VAT1L: variants seen among roughly 807,000 people sequenced by gnomAD.
The protein encoded by VAT1L is vesicle amine transport 1 like, also known as putative NADPH-dependent quinone oxidoreductase VAT1L.
A neutral mutation model predicts 44.1 loss-of-function variants in VAT1L; 34 were observed. The ratio of observed to expected loss-of-function variants is 0.77; its 90% confidence interval spans 0.59 to 1.03. The LOEUF (loss-of-function observed/expected upper bound fraction) is 1.03. VAT1L is among the 50% of genes least tolerant of loss of function. The probability of loss-of-function intolerance (pLI) is 0.00; values close to 1 mark genes in which losing one functional copy is unlikely to be tolerated. For missense variants in VAT1L, 615 were observed against 538.8 expected, an observed-to-expected ratio of 1.14 and a Z score of -1.40; for synonymous variants, 253 against 202.2, an observed-to-expected ratio of 1.25 and a Z score of -2.13.
At chr16:77,838,464 A>C (rs2145257164) in intron 3 of VAT1L, among the ~76,000 whole-genome samples, 1 of 152,174 alleles carries the variant, frequency 6.6e-6, no homozygotes, top group Non-Finnish European at 1.5e-5. Context: ...TTTGCAGCTC[A>C]TGTCATGGCA....
At chr16:77,909,951 A>G (rs543586016) in intron 7 of VAT1L, among the ~76,000 whole-genome samples, 25 of 152,342 alleles carry the variant, frequency 1.6e-4, no homozygotes, top group African/African-American at 6.0e-4. Context: ...GGCCTATAGA[A>G]GAATTCAGTT....
rs570076238 is a variant in VAT1L, at chr16:77,934,472, A to C, written c.1078-37378A>C. Among the ~76,000 whole-genome samples the C allele has an allele frequency of 3.9e-5, 6 of 152,268 alleles. No homozygotes were observed. In the South Asian group the frequency reaches 1.0e-3, roughly 26 times the overall value. On this transcript the variant is annotated intron_variant, in intron 7 of 8. Transcript: ENST00000302536. Reference sequence around the variant, plus strand: ...TCCAAAAAACAAACAAACAAAAAAAAATGGATTCTTCCCTAGAGCCTCCAG... The same window carrying C: ...TCCAAAAAACAAACAAACAAAAAAACATGGATTCTTCCCTAGAGCCTCCAG...
intron 7 of VAT1L, among the ~76,000 whole-genome samples, chr16:77,929,876 C>T (rs2017709882): frequency 6.6e-6 from 1 of 152,186 alleles, no homozygotes; most frequent in African/African-American, 2.4e-5. Context: ...TGTGTAATCC[C>T]AGCACTTTGG....
intron 7 of VAT1L, among the ~76,000 whole-genome samples, chr16:77,938,123 C>T (rs2017826769): frequency 6.6e-6 from 1 of 152,168 alleles, no homozygotes; most frequent in Non-Finnish European, 1.5e-5. Flanking sequence ...CTGAGCTCCA[C>T]TTTGGACCTA....
chr16:77,917,890 T>C (rs2017567723), intron 7 of VAT1L, among the ~76,000 whole-genome samples: 2 of 152,236 alleles, frequency 1.3e-5, no homozygotes, highest in South Asian at 2.1e-4. Flanking sequence ...GCCCCAGAGA[T>C]GGAAATCAGT....
chr16:77,837,170 A>G (rs8050522), intron 3 of VAT1L, among the ~76,000 whole-genome samples: 8,683 of 152,240 alleles, frequency 0.057, 322 homozygotes, highest in East Asian at 0.12. Flanking sequence ...ATTTCACTCC[A>G]CGGGTTTTGT....
chr16:77,819,138 G>A lies in VAT1L; in HGVS notation c.363+2088G>A, dbSNP rs1277729642. On this transcript the variant is annotated intron_variant, in intron 2 of 8. Transcript: ENST00000302536. ...TTTTGATAATGAAATGGAAGTGATGGAGCAAAGTCAAAGGAGAGATCTGGG... is the reference window on the plus strand; with the variant it reads ...TTTTGATAATGAAATGGAAGTGATGAAGCAAAGTCAAAGGAGAGATCTGGG... Among the ~76,000 whole-genome samples, 3 of 152,218 alleles carry A rather than the reference G, an allele frequency of 2.0e-5. No homozygotes were observed. In the East Asian group the frequency reaches 5.8e-4, roughly 30 times the overall value.
At chr16:77,931,442 T>C (rs1411325085) in intron 7 of VAT1L, among the ~76,000 whole-genome samples, 1 of 152,142 alleles carries the variant, frequency 6.6e-6, no homozygotes, top group Non-Finnish European at 1.5e-5. Flanking sequence ...ATGTGTTTCA[T>C]GGAGGAGTAA....
At chr16:77,949,042 T>C (rs1490010024) in intron 7 of VAT1L, among the ~76,000 whole-genome samples, 2 of 152,142 alleles carry the variant, frequency 1.3e-5, no homozygotes, top group Admixed American at 6.5e-5. Context: ...CTATCAGTAA[T>C]CTGTATCTAT....
At chr16:77,964,779 C>CTTTTTTTTTTTTTTTTTTT (rs10566511) in intron 7 of VAT1L, among the ~76,000 whole-genome samples, 9 of 91,884 alleles carry the variant, frequency 9.8e-5, no homozygotes, top group Non-Finnish European at 1.5e-4. Flanking sequence ...CTTTGTAGCA[C>CTTTTTTTTTTTTTTTTTTT]TTTTTTTTTT....
At chr16:77,834,406 C>G (rs2016616522) in intron 3 of VAT1L, among the ~76,000 whole-genome samples, 1 of 152,184 alleles carries the variant, frequency 6.6e-6, no homozygotes, top group Non-Finnish European at 1.5e-5. Flanking sequence ...GCCCTAGTAC[C>G]TAGCAGGGCC....
chr16:77,832,343 C>T (rs1440220429), intron 3 of VAT1L, among the ~76,000 whole-genome samples: 2 of 152,104 alleles, frequency 1.3e-5, no homozygotes, highest in Non-Finnish European at 2.9e-5. Flanking sequence ...TTTTCAAATT[C>T]TTTCACCTCT....
rs1156450964 is a variant in VAT1L at position 77,978,304 on chromosome 16, C to T, written c.*609C>T. The T allele has an allele frequency of 6.6e-6, 1 of 152,566 alleles. No homozygotes were observed. The highest frequency in any genetic ancestry group is 1.9e-4 in the East Asian group (1 of 5,192). 9.5% of individuals were successfully genotyped at this position (152,566 alleles called of 1,614,324 possible). On this transcript the variant is annotated 3_prime_UTR_variant, in exon 9 of 9. Transcript: ENST00000302536. The stretch of plus-strand genomic sequence containing the variant: ...ACCCCTTCAGTGTCTGACCCTTTCA[C>T]TGGCTCTTATCTGTAAACACAGGGA...
intron 7 of VAT1L, among the ~76,000 whole-genome samples, chr16:77,904,505 C>T (rs925483895): frequency 3.3e-5 from 5 of 152,262 alleles, no homozygotes; most frequent in South Asian, 2.1e-4. Context: ...TGTCCTCACG[C>T]GGTCCCCACT....
At chr16:77,955,409 C>A (rs549880516) in intron 7 of VAT1L, among the ~76,000 whole-genome samples, 1 of 152,214 alleles carries the variant, frequency 6.6e-6, no homozygotes, top group South Asian at 2.1e-4. Context: ...ATGCCAATAG[C>A]TACTAGATTG....
chr16:77,818,579 A>G, intron 2 of VAT1L, among the ~76,000 whole-genome samples: 1 of 152,202 alleles, frequency 6.6e-6, no homozygotes, highest in East Asian at 1.9e-4. Context: ...TGAATAAATA[A>G]CCAGTTATTT....
chr16:77,918,307 A>T (rs1034672118), intron 7 of VAT1L, among the ~76,000 whole-genome samples: 3 of 152,208 alleles, frequency 2.0e-5, no homozygotes, highest in African/African-American at 7.2e-5. Context: ...ATTACATCCC[A>T]ATTAATGGTG....
chr16:77,937,509 C>T (rs775564062), intron 7 of VAT1L, among the ~76,000 whole-genome samples: 3 of 152,168 alleles, frequency 2.0e-5, no homozygotes, highest in Non-Finnish European at 2.9e-5. Flanking sequence ...CCTTTGTGGC[C>T]GAGCTGTTTT....
intron 1 of VAT1L, among the ~76,000 whole-genome samples, chr16:77,795,673 A>T (rs1384247049): frequency 6.6e-6 from 1 of 152,148 alleles, no homozygotes; most frequent in East Asian, 1.9e-4. Flanking sequence ...ATTAGTAGGG[A>T]ATCAGCGCAG....
Sources: gnomAD v4.1 joint callset for allele counts (sites outside exome capture counted in the v4.1 genomes callset) on GRCh38, gnomAD v4.1.1 for gene constraint, MANE v1.5 for transcripts, NCBI Gene and HGNC (gene_info 2026-07-23, HGNC 2026-07-21) for gene names.